Variants in PPP3R1 observed in about 807,000 individuals in gnomAD.
PPP3R1 encodes protein phosphatase 3 regulatory subunit B, alpha, also known as calcineurin subunit B type 1.
PPP3R1 carries 5 observed loss-of-function variants against 22.6 expected under a neutral mutation model. That is an observed-to-expected ratio of 0.22 (90% CI 0.12 to 0.46). The LOEUF is 0.46. Among genes scored for constraint, PPP3R1 ranks in the 20% least tolerant of loss-of-function variants. PPP3R1 has a pLI of 0.99. For missense variants in PPP3R1, 61 were observed against 203.2 expected (o/e 0.30, Z 4.25); for synonymous variants, 56 against 65.2 (o/e 0.86, Z 0.68).
At chr2:68,195,449 G>A (rs189705563) in intron 2 of PPP3R1, among the ~76,000 whole-genome samples, 10 of 152,164 alleles carry the variant, frequency 6.6e-5, no homozygotes, top group African/African-American at 2.4e-4. Context: ...CCAAGGTGGT[G>A]GCTGCCAGAT....
intron 2 of PPP3R1, among the ~76,000 whole-genome samples, chr2:68,205,362 C>A (rs1384567486): frequency 1.3e-5 from 2 of 151,492 alleles, no homozygotes; most frequent in African/African-American, 4.9e-5. Context: ...CCTGCCTCAG[C>A]CTCCCAAGTA....
intron 2 of PPP3R1, among the ~76,000 whole-genome samples, chr2:68,196,631 T>C (rs1267924245): frequency 6.6e-6 from 1 of 152,208 alleles, no homozygotes; most frequent in Non-Finnish European, 1.5e-5. Context: ...TTGGAGCTCC[T>C]AGATTTCTTA....
At chr2:68,181,818 G>C (rs1365750524) in intron 5 of PPP3R1, among the ~76,000 whole-genome samples, 3 of 151,998 alleles carry the variant, frequency 2.0e-5, no homozygotes, top group African/African-American at 7.3e-5. Context: ...AAAGTACCAA[G>C]TGAATAAACA....
chr2:68,217,749 T>C (rs1669607004), intron 1 of PPP3R1, among the ~76,000 whole-genome samples: 1 of 152,088 alleles, frequency 6.6e-6, no homozygotes, highest in African/African-American at 2.4e-5. Flanking sequence ...AGACCCTAAC[T>C]TAACATAATT....
At chr2:68,219,708 T>C (rs138270052) in intron 1 of PPP3R1, among the ~76,000 whole-genome samples, 132 of 152,310 alleles carry the variant, frequency 8.7e-4, no homozygotes, top group African/African-American at 3.2e-3. Context: ...TGATAGATAC[T>C]GTGAGAGACA....
intron 1 of PPP3R1, among the ~76,000 whole-genome samples, chr2:68,247,847 C>T (rs1227818304): frequency 1.3e-5 from 2 of 152,204 alleles, no homozygotes; most frequent in African/African-American, 2.4e-5. Flanking sequence ...TGCATTGTTA[C>T]TGTATTCTTT....
chr2:68,216,480 A>ATTTT (rs1558636573), intron 2 of PPP3R1, among the ~76,000 whole-genome samples: 13 of 64,746 alleles, frequency 2.0e-4, no homozygotes, highest in African/African-American at 4.5e-4. Context: ...TAAAAATTAA[A>ATTTT]AAAAAAAAAG....
chr2:68,215,864 A>G (rs1669568933), intron 2 of PPP3R1, among the ~76,000 whole-genome samples: 1 of 152,110 alleles, frequency 6.6e-6, no homozygotes, highest in African/African-American at 2.4e-5. Context: ...TAAAACTACC[A>G]TGTATATGAA....
At chr2:68,198,062 C>CA (rs199824687) in intron 2 of PPP3R1, among the ~76,000 whole-genome samples, 5,614 of 41,984 alleles carry the variant, frequency 0.13, 2,029 homozygotes, top group East Asian at 0.24. Context: ...GCACCTTTGG[C>CA]AAAAAAAAAA....
intron 1 of PPP3R1, among the ~76,000 whole-genome samples, chr2:68,243,229 A>C (rs1163901657): frequency 6.6e-6 from 1 of 152,216 alleles, no homozygotes; most frequent in African/African-American, 2.4e-5. Flanking sequence ...AAACATTTTA[A>C]ATATTTCATA....
At chr2:68,200,827 C>A (rs1189329708) in intron 2 of PPP3R1, among the ~76,000 whole-genome samples, 1 of 152,214 alleles carries the variant, frequency 6.6e-6, no homozygotes, top group East Asian at 1.9e-4. Flanking sequence ...TCCTTTCTAA[C>A]CCTTCTCTCA....
At chr2:68,238,332 T>C (rs1670054955) in intron 1 of PPP3R1, among the ~76,000 whole-genome samples, 1 of 152,170 alleles carries the variant, frequency 6.6e-6, no homozygotes, top group Non-Finnish European at 1.5e-5. Flanking sequence ...GGCCATTAAC[T>C]GCCTGGGAGA....
At chr2:68,232,120 T>TACACACAC (rs371099015) in intron 1 of PPP3R1, among the ~76,000 whole-genome samples, 16 of 44,312 alleles carry the variant, frequency 3.6e-4, no homozygotes, top group Admixed American at 4.9e-4. Context: ...TATATATATA[T>TACACACAC]ATATACACAC....
rs746584723 is a variant in PPP3R1 at position 68,246,067 on chromosome 2, C to CT, written c.3+6057dup. Reference sequence around the variant, plus strand: ...CTTTTTACTGACTTTTTCTTTCTTTCTTTTTTTTTTTTTTTTTTTTTTTTT... The same window carrying CT: ...CTTTTTACTGACTTTTTCTTTCTTTCTTTTTTTTTTTTTTTTTTTTTTTTTT... On this transcript the variant is annotated intron_variant, in intron 1 of 5. Coordinates refer to ENST00000234310, the MANE Select transcript of PPP3R1 (RefSeq NM_000945.4). 6.3e-3 allele frequency among the ~76,000 whole-genome samples: 464 copies of CT among 73,780 alleles called. 6 individuals are homozygous for CT. The highest frequency in any genetic ancestry group is 0.01 in the Middle Eastern group (1 of 100). The allele number at this position is 73,780 out of a possible 152,430, so 48.4% of individuals were successfully genotyped here. A position where few individuals can be genotyped will look rare whatever the true frequency, so the allele number is the denominator to read the frequency against.
chr2:68,218,580 T>C (rs529457701), intron 1 of PPP3R1, among the ~76,000 whole-genome samples: 1 of 151,998 alleles, frequency 6.6e-6, no homozygotes, highest in East Asian at 1.9e-4. Context: ...GATTCTTATC[T>C]TCACTGCCTT....
chr2:68,217,217 C>T, intron 1 of PPP3R1, 86 bp from the exon 2 acceptor site: 1 of 942,792 alleles, frequency 1.1e-6, no homozygotes, highest in South Asian at 1.6e-5. Flanking sequence ...AGTCAAAAAA[C>T]ATAGGGAAAT....
chr2:68,225,728 T>A (rs141600484), intron 1 of PPP3R1, among the ~76,000 whole-genome samples: 1 of 152,340 alleles, frequency 6.6e-6, no homozygotes, highest in African/African-American at 2.4e-5. Context: ...AACACTGACA[T>A]ACCAAAGTGT....
At chr2:68,213,848 A>C (rs753904010) in intron 2 of PPP3R1, among the ~76,000 whole-genome samples, 6 of 152,190 alleles carry the variant, frequency 3.9e-5, no homozygotes, top group Non-Finnish European at 7.3e-5. Flanking sequence ...TCCGTATGGA[A>C]CCAAAATAGC....
At chr2:68,217,425 C>T (rs1669601547) in intron 1 of PPP3R1, among the ~76,000 whole-genome samples, 1 of 151,986 alleles carries the variant, frequency 6.6e-6, no homozygotes, top group African/African-American at 2.4e-5. Flanking sequence ...AAGTTATATG[C>T]CAAATTTTAA....
Sources: gnomAD v4.1 joint callset for allele counts (sites outside exome capture counted in the v4.1 genomes callset) on GRCh38, gnomAD v4.1.1 for gene constraint, MANE v1.5 for transcripts, NCBI Gene and HGNC (gene_info 2026-07-23, HGNC 2026-07-21) for gene names.